The following SCFD2 variants were observed in gnomAD, a reference collection of about 807,000 sequenced individuals.
SCFD2 encodes the protein sec1 family domain containing 2, also known as sec1 family domain-containing protein 2.
Under a neutral mutation model 58.9 loss-of-function variants are expected in SCFD2, and 54 were observed. The ratio of observed to expected loss-of-function variants is 0.92; its 90% CI spans 0.74 to 1.15. SCFD2 has a LOEUF of 1.15. Ranked by LOEUF, SCFD2 falls within the 50% of genes most tolerant of loss-of-function variation. The pLI is 0.00. For missense variants in SCFD2, 805 were observed against 836.6 expected (o/e 0.96, Z 0.47); for synonymous variants, 321 against 335.9 (o/e 0.96, Z 0.49).
intron 4 of SCFD2, among the ~76,000 whole-genome samples, chr4:53,229,409 T>G (rs139306761): frequency 0.24 from 35,795 of 152,034 alleles, 5,052 homozygotes; most frequent in Non-Finnish European, 0.31. Context: ...CATGGTACTG[T>G]TACCAAAACA....
At chr4:52,888,725 G>T (rs1307825180) in intron 7 of SCFD2, among the ~76,000 whole-genome samples, 1 of 152,032 alleles carries the variant, frequency 6.6e-6, no homozygotes, top group East Asian at 1.9e-4. Flanking sequence ...TTCTTGGTCT[G>T]CCCATTTAAA....
At chr4:52,897,482 C>A (rs569964667) in intron 7 of SCFD2, among the ~76,000 whole-genome samples, 2 of 152,172 alleles carry the variant, frequency 1.3e-5, no homozygotes, top group African/African-American at 2.4e-5. Context: ...TATGTTGAAC[C>A]AGCCTTGCAT....
intron 2 of SCFD2, among the ~76,000 whole-genome samples, chr4:53,325,112 T>C (rs1733146111): frequency 6.6e-6 from 1 of 152,030 alleles, no homozygotes; most frequent in South Asian, 2.1e-4. Flanking sequence ...CTAACTTCCC[T>C]CTTACTTTTG....
At chr4:53,096,473 G>T (rs1174904872) in intron 5 of SCFD2, among the ~76,000 whole-genome samples, 1 of 152,226 alleles carries the variant, frequency 6.6e-6, no homozygotes, top group Non-Finnish European at 1.5e-5. Context: ...GGCCAGTGAT[G>T]ATGAGCATTT....
At chr4:53,086,157 T>C (rs1214175807) in intron 5 of SCFD2, among the ~76,000 whole-genome samples, 2 of 152,148 alleles carry the variant, frequency 1.3e-5, no homozygotes, top group African/African-American at 4.8e-5. Flanking sequence ...AATCAGAATA[T>C]ACGAGGAGCT....
intron 4 of SCFD2, among the ~76,000 whole-genome samples, chr4:53,191,684 C>A (rs1209448591): frequency 6.6e-6 from 1 of 152,104 alleles, no homozygotes; most frequent in Non-Finnish European, 1.5e-5. Flanking sequence ...GGATTATAGG[C>A]GTGAGCCACC....
chr4:52,891,444 T>C (rs1718874744), intron 7 of SCFD2, among the ~76,000 whole-genome samples: 1 of 152,052 alleles, frequency 6.6e-6, no homozygotes, highest in Non-Finnish European at 1.5e-5. Flanking sequence ...AGCCTTAGAA[T>C]CTATGAAGCA....
At chr4:53,304,029 C>A (rs1287293332) in intron 3 of SCFD2, among the ~76,000 whole-genome samples, 1 of 151,062 alleles carries the variant, frequency 6.6e-6, no homozygotes, top group African/African-American at 2.4e-5. Context: ...GTGCAGCACA[C>A]CAACTTGGCA....
At chr4:52,897,723 A>C (rs1354494280) in intron 7 of SCFD2, among the ~76,000 whole-genome samples, 1 of 152,186 alleles carries the variant, frequency 6.6e-6, no homozygotes, top group Non-Finnish European at 1.5e-5. Flanking sequence ...TAGTTTCAGA[A>C]GGAATGGTAC....
intron 4 of SCFD2, among the ~76,000 whole-genome samples, chr4:53,171,585 CT>C (rs1560368243): frequency 6.6e-6 from 1 of 152,120 alleles, no homozygotes; most frequent in South Asian, 2.1e-4. Flanking sequence ...GGCATTAGTT[CT>C]TTTTTAAATG....
intron 5 of SCFD2, among the ~76,000 whole-genome samples, chr4:53,093,332 A>C (rs1023640792): frequency 6.6e-6 from 1 of 152,180 alleles, no homozygotes; most frequent in African/African-American, 2.4e-5. Context: ...CTGAAAGAAG[A>C]ATGAAATGTG....
chr4:52,926,362 A>G (rs1217678367), intron 5 of SCFD2, among the ~76,000 whole-genome samples: 1 of 151,988 alleles, frequency 6.6e-6, no homozygotes, highest in African/African-American at 2.4e-5. Flanking sequence ...CCCTTACCTG[A>G]GGCCTTCAAA....
At chr4:53,186,081 A>C (rs2148953345) in intron 4 of SCFD2, among the ~76,000 whole-genome samples, 1 of 152,248 alleles carries the variant, frequency 6.6e-6, no homozygotes, top group South Asian at 2.1e-4. Flanking sequence ...TTAGGTCTTG[A>C]CTGCATGCCA....
intron 5 of SCFD2, among the ~76,000 whole-genome samples, chr4:53,077,606 T>C (rs2148854905): frequency 6.6e-6 from 1 of 152,040 alleles, no homozygotes; most frequent in African/African-American, 2.4e-5. Flanking sequence ...CCCAGCTAAT[T>C]TTTGTATTTT....
intron 5 of SCFD2, among the ~76,000 whole-genome samples, chr4:53,044,343 G>A (rs1381902798): frequency 6.6e-6 from 1 of 151,798 alleles, no homozygotes; most frequent in Non-Finnish European, 1.5e-5. Context: ...CTGCAATCCT[G>A]CTCCCTCCCC....
At chr4:53,273,199 C>T (rs1327814663) in intron 4 of SCFD2, among the ~76,000 whole-genome samples, 6 of 152,086 alleles carry the variant, frequency 3.9e-5, no homozygotes, top group African/African-American at 1.4e-4. Flanking sequence ...ATTTTATGTA[C>T]ATTTATGCTT....
intron 4 of SCFD2, among the ~76,000 whole-genome samples, chr4:53,219,364 C>T (rs112246147): frequency 0.017 from 2,520 of 152,304 alleles, 58 homozygotes; most frequent in African/African-American, 0.057. Flanking sequence ...GCCTCGCTGC[C>T]GCCTTGCAGT....
chr4:53,109,295 G>A (rs1054152803), intron 5 of SCFD2, among the ~76,000 whole-genome samples: 1 of 152,110 alleles, frequency 6.6e-6, no homozygotes, highest in Non-Finnish European at 1.5e-5. Context: ...CATTCCCTTT[G>A]AAAACCAGCA....
intron 3 of SCFD2, among the ~76,000 whole-genome samples, chr4:53,286,585 G>C (rs1245079917): frequency 6.6e-6 from 1 of 151,970 alleles, no homozygotes; most frequent in Admixed American, 6.5e-5. Flanking sequence ...AAGGAAACCA[G>C]GGCCCTGGCC....
Sources: gnomAD v4.1 joint callset for allele counts (sites outside exome capture counted in the v4.1 genomes callset) on GRCh38, gnomAD v4.1.1 for gene constraint, MANE v1.5 for transcripts, NCBI Gene and HGNC (gene_info 2026-07-23, HGNC 2026-07-21) for gene names.